Variants in OSBPL1A observed in about 807,000 individuals in gnomAD.
The protein encoded by OSBPL1A is oxysterol-binding protein-related protein 1.
A neutral mutation model predicts 137.1 loss-of-function variants in OSBPL1A; 80 were observed. That is an observed-to-expected ratio of 0.58 (90% CI 0.49 to 0.70). The LOEUF is 0.70. Among genes scored for constraint, OSBPL1A ranks in the 30% least tolerant of loss-of-function variants. OSBPL1A has a pLI of 0.00. For synonymous variants in OSBPL1A, 365 were observed against 389.7 expected (o/e 0.94, Z 0.75); for missense variants, 970 against 1,129.4 (o/e 0.86, Z 2.02).
chr18:24,383,747 C>T lies in OSBPL1A; in HGVS notation c.-2-6212G>A, dbSNP rs1036811271. Among the ~76,000 whole-genome samples the T allele has an allele frequency of 6.6e-5, 10 of 152,034 alleles. No individual in the cohort carries two copies. The East Asian group carries it at 9.6e-4, about 15-fold the overall frequency. On this transcript the variant is annotated intron_variant, in intron 1 of 27. Transcript: ENST00000319481. ...CCAGCCTGGTGACAGGGCAAGACTCCGTCTCAAAAAATGAATAAATAAAGA... is the reference window on the plus strand; with the variant it reads ...CCAGCCTGGTGACAGGGCAAGACTCTGTCTCAAAAAATGAATAAATAAAGA...
intron 4 of OSBPL1A, chr18:24,358,268 C>A: frequency 1.8e-6 from 1 of 567,000 alleles, no homozygotes; most frequent in Non-Finnish European, 3.1e-6. Context: ...GTATCCATGA[C>A]TGACTGTCCC....
Position 24,317,437 on chromosome 18 carries a change from C to T in OSBPL1A, c.733-37G>A, listed in dbSNP as rs557625297. ...ATAACAAAGATTTCCCAAGCTGACACATCTAGATTCAAATGCTTGACTGAT... is the reference window on the plus strand; with the variant it reads ...ATAACAAAGATTTCCCAAGCTGACATATCTAGATTCAAATGCTTGACTGAT... On this transcript the variant is annotated intron_variant, in intron 9 of 27. Transcript: ENST00000319481. 1.1e-3 allele frequency: 1,586 copies of T among 1,487,270 alleles called. 25 individuals carry two copies. The South Asian group carries it at 0.017, about 16-fold the overall frequency. 92.1% of individuals were successfully genotyped at this position (1,487,270 alleles called of 1,614,324 possible). A position where few individuals can be genotyped will look rare whatever the true frequency, so the allele number is the denominator to read the frequency against.
rs764334579 is a variant in OSBPL1A, at chr18:24,273,749, A to G, written c.1281+7093T>C. On this transcript the variant is annotated intron_variant, in intron 15 of 27. Transcript: ENST00000319481. ...ATAATGATACAATATGATAAATGCTATGACAGCCAGGAACTCATGGAGCAG... is the reference window on the plus strand; with the variant it reads ...ATAATGATACAATATGATAAATGCTGTGACAGCCAGGAACTCATGGAGCAG... 5.9e-5 allele frequency among the ~76,000 whole-genome samples: 9 copies of G among 152,178 alleles called. 1 individual carries two copies. Among genetic ancestry groups the G allele is most frequent in the African/African-American group, 1.2e-4 (5 of 41,450 alleles).
At chr18:24,377,292 T>C in intron 2 of OSBPL1A, 121 bp downstream of exon 2, 1 of 1,229,568 alleles carries the variant, frequency 8.1e-7, no homozygotes, top group South Asian at 1.8e-5. Context: ...ATCTGTGGGG[T>C]TCTTCCTAGC....
At chr18:24,195,907 G>C (rs45473396) in intron 18 of OSBPL1A, 3 of 408,390 alleles carry the variant, frequency 7.3e-6, no homozygotes, top group Non-Finnish European at 1.3e-5. Context: ...GTTTCTGTTT[G>C]TTTTTTTTTT....
chr18:24,260,802 T>C (rs1020727024), intron 15 of OSBPL1A, among the ~76,000 whole-genome samples: 12 of 150,062 alleles, frequency 8.0e-5, no homozygotes, highest in African/African-American at 2.7e-4. Flanking sequence ...GTTATGTGAA[T>C]TCTATCCCAT....
At chr18:24,227,318 C>T (rs150325732) in intron 16 of OSBPL1A, among the ~76,000 whole-genome samples, 8 of 152,194 alleles carry the variant, frequency 5.3e-5, no homozygotes, top group Non-Finnish European at 1.0e-4. Flanking sequence ...AAGAGGGGGA[C>T]AGTTGCCTGT....
intron 17 of OSBPL1A, among the ~76,000 whole-genome samples, chr18:24,211,451 G>A (rs1003946312): frequency 1.2e-4 from 18 of 152,002 alleles, no homozygotes; most frequent in Admixed American, 4.6e-4. Context: ...AAACTTTATT[G>A]TAAACATTTA....
At chr18:24,331,397 CTTT>C (rs1211637974) in intron 7 of OSBPL1A, among the ~76,000 whole-genome samples, 9 of 140,418 alleles carry the variant, frequency 6.4e-5, no homozygotes, top group Admixed American at 1.4e-4. Context: ...GCATGTTCCT[CTTT>C]TTTTTTTTTT....
At chr18:24,293,730 G>C (rs948136093) in intron 14 of OSBPL1A, among the ~76,000 whole-genome samples, 2 of 152,160 alleles carry the variant, frequency 1.3e-5, no homozygotes, top group African/African-American at 4.8e-5. Flanking sequence ...GTGGGGGGCT[G>C]AGGGGTGGAA....
intron 17 of OSBPL1A, among the ~76,000 whole-genome samples, chr18:24,210,618 T>C (rs1311377408): frequency 6.6e-6 from 1 of 151,792 alleles, no homozygotes; most frequent in Non-Finnish European, 1.5e-5. Flanking sequence ...ACTTGCAGCC[T>C]TGACCTCCCA....
At chr18:24,324,136 T>C (rs2090922626) in intron 7 of OSBPL1A, among the ~76,000 whole-genome samples, 1 of 73,678 alleles carries the variant, frequency 1.4e-5, no homozygotes. Flanking sequence ...GGCAGAGAAC[T>C]GCTTGAACCC....
chr18:24,390,684 G>A (rs1284451531), intron 1 of OSBPL1A, among the ~76,000 whole-genome samples: 7 of 97,714 alleles, frequency 7.2e-5, no homozygotes, highest in Admixed American at 1.6e-4. Flanking sequence ...AACAGAGTGC[G>A]ACTCCGTCTC....
intron 4 of OSBPL1A, among the ~76,000 whole-genome samples, chr18:24,351,157 G>A (rs1481863850): frequency 1.3e-5 from 2 of 151,794 alleles, no homozygotes; most frequent in Non-Finnish European, 2.9e-5. Flanking sequence ...AGACCAGCCT[G>A]GCCAACATGG....
intron 17 of OSBPL1A, among the ~76,000 whole-genome samples, chr18:24,200,574 A>G (rs1304342741): frequency 1.3e-5 from 2 of 151,744 alleles, no homozygotes; most frequent in South Asian, 2.1e-4. Flanking sequence ...AAAAAAAAAA[A>G]AAAAAAGTAA....
chr18:24,334,238 G>C lies in OSBPL1A; in HGVS notation c.480+7C>G. ...TTTGTCTTTTGGGGGTTTTTTGTTT[G>C]TTTTACCAGAGCTGTGAGTTCTGTT... On this transcript the variant is annotated splice_region_variant and intron_variant, in intron 6 of 27. Coordinates refer to ENST00000319481, the MANE Select transcript of OSBPL1A (RefSeq NM_080597.4). The C allele has an allele frequency of 6.3e-7, 1 of 1,596,316 alleles. No individual in the cohort carries two copies. The highest frequency in any genetic ancestry group is 8.5e-7 in the Non-Finnish European group (1 of 1,175,100).
chr18:24,324,758 T>C (rs545903677), intron 7 of OSBPL1A, among the ~76,000 whole-genome samples: 2 of 141,578 alleles, frequency 1.4e-5, no homozygotes, highest in South Asian at 4.6e-4. Context: ...CACTCCATCC[T>C]GGGCGACAGA....
chr18:24,253,176 G>C (rs1599567512), intron 15 of OSBPL1A, among the ~76,000 whole-genome samples: 1 of 119,134 alleles, frequency 8.4e-6, no homozygotes, highest in South Asian at 3.3e-4. Flanking sequence ...GCGGGGGGGG[G>C]CGCTGAATGG....
intron 17 of OSBPL1A, among the ~76,000 whole-genome samples, chr18:24,203,939 T>C (rs1599486046): frequency 6.6e-6 from 1 of 152,362 alleles, no homozygotes; most frequent in Middle Eastern, 3.4e-3. Flanking sequence ...TCATTCTCCA[T>C]GAAAGGCATT....
Sources: allele counts gnomAD v4.1 joint callset (sites outside exome capture counted in the v4.1 genomes callset), GRCh38; gene constraint gnomAD v4.1.1; transcripts MANE v1.5; gene names NCBI Gene and HGNC (gene_info 2026-07-23, HGNC 2026-07-21).